Variants in GRAMD4 observed in about 807,000 individuals in gnomAD.
GRAMD4 encodes GRAM domain-containing protein 4.
In GRAMD4, 25 loss-of-function variants were observed where a neutral mutation model predicts 83.9. That is an observed-to-expected ratio of 0.30 (90% CI 0.22 to 0.42). The LOEUF is 0.42. Among genes scored for constraint, GRAMD4 ranks in the 10% least tolerant of loss-of-function variants. The pLI is 1.00. For missense variants in GRAMD4, 593 were observed against 788.7 expected (o/e 0.75, Z 2.97); for synonymous variants, 336 against 320.9 (o/e 1.05, Z -0.50).
At chr22:46,582,909 G>C (rs1908883977) in intron 1 of GRAMD4, among the ~76,000 whole-genome samples, 1 of 152,168 alleles carries the variant, frequency 6.6e-6, no homozygotes, top group African/African-American at 2.4e-5. Flanking sequence ...CTCCCTGCCT[G>C]TGGTGACCAC....
chr22:46,661,780 G>A (rs969107836), intron 5 of GRAMD4, among the ~76,000 whole-genome samples: 1 of 152,208 alleles, frequency 6.6e-6, no homozygotes, highest in East Asian at 1.9e-4. Context: ...TGAGAGCCAC[G>A]CTGGTCACTG....
chr22:46,662,787 C>G (rs57359468), intron 5 of GRAMD4, among the ~76,000 whole-genome samples: 1 of 152,178 alleles, frequency 6.6e-6, no homozygotes, highest in African/African-American at 2.4e-5. Flanking sequence ...AGACCCGGCA[C>G]TGAGGTCGTC....
chr22:46,592,088 A>G (rs149061040), intron 1 of GRAMD4, among the ~76,000 whole-genome samples: 495 of 152,100 alleles, frequency 3.3e-3, no homozygotes, highest in Non-Finnish European at 5.7e-3. Context: ...ATGTCACGGG[A>G]GTCGAGACCT....
chr22:46,596,917 C>T (rs893679762), intron 1 of GRAMD4, among the ~76,000 whole-genome samples: 2 of 152,146 alleles, frequency 1.3e-5, no homozygotes, highest in Non-Finnish European at 2.9e-5. Context: ...GTCACTGAGA[C>T]CTCCACTCCT....
rs577515622 is a variant in GRAMD4 at position 46,625,290 on chromosome 22, T to G, written c.-49-1461T>G. 3.3e-5 allele frequency among the ~76,000 whole-genome samples: 5 copies of G among 152,318 alleles called. No individual in the cohort carries two copies. In the South Asian group the frequency reaches 1.0e-3, roughly 32 times the overall value. On this transcript the variant is annotated intron_variant, in intron 1 of 18. Transcript: ENST00000406902. ...TCAGAGTGGGTTCTAGTGCGTTCTG[T>G]GTCTTCGGTCCTCACTGTTAATGAG... is the stretch of plus-strand genomic sequence containing the variant.
Position 46,652,874 on chromosome 22 carries a change from T to A in GRAMD4, c.284-5313T>A, listed in dbSNP as rs2542022. ...AAATTGATGATGGGGGATTTGCATC[T>A]CCTTTGTCCTGTGGAAAGATACAGC... On this transcript the variant is annotated intron_variant, in intron 3 of 18. Transcript: ENST00000406902. Among the ~76,000 whole-genome samples, 204 of 152,180 alleles carry A rather than the reference T, an allele frequency of 1.3e-3. 1 individual carries two copies. Among genetic ancestry groups the A allele is most frequent in the African/African-American group, 4.7e-3 (197 of 41,518 alleles).
At chr22:46,615,543 CTGTGTGTAGGTT>C (rs2081471095), upstream of GRAMD4, among the ~76,000 whole-genome samples, 1 of 140,824 alleles carries the variant, frequency 7.1e-6, no homozygotes, top group Non-Finnish European at 1.5e-5. Context: ...GTAGGTTCCC[CTGTGTGTAGGTT>C]CCCCTGTGCG....
intron 1 of GRAMD4, among the ~76,000 whole-genome samples, chr22:46,607,209 G>C (rs1166035103): frequency 6.6e-6 from 1 of 152,064 alleles, no homozygotes; most frequent in African/African-American, 2.4e-5. Context: ...TTAAAAAGGG[G>C]GGGGTCATAC....
chr22:46,602,423 G>A (rs2081320273), intron 1 of GRAMD4, among the ~76,000 whole-genome samples: 1 of 152,164 alleles, frequency 6.6e-6, no homozygotes, highest in Admixed American at 6.5e-5. Context: ...GATACCTGTA[G>A]CCCCAACGCT....
chr22:46,596,246 G>A (rs1038897021), intron 1 of GRAMD4, among the ~76,000 whole-genome samples: 5 of 152,312 alleles, frequency 3.3e-5, no homozygotes, highest in Admixed American at 6.5e-5. Context: ...TCGTGCCATC[G>A]GGGCTGGAGT....
chr22:46,671,733 G>A (rs562963002), intron 13 of GRAMD4, among the ~76,000 whole-genome samples: 2 of 151,008 alleles, frequency 1.3e-5, no homozygotes, highest in East Asian at 3.9e-4. Flanking sequence ...CCAGCTACTC[G>A]AGAGGCTGAG....
At position 46,637,908 on chromosome 22, in the gene GRAMD4, G is replaced by A. The variant is rs775366739; in HGVS notation, c.231G>A (p.Leu77=). 1 of 1,613,388 alleles carries A rather than the reference G, an allele frequency of 6.2e-7. No individual in the cohort carries two copies. The highest frequency in any genetic ancestry group is 1.1e-5 in the South Asian group (1 of 91,070). ...QDFNRTEFDR[L]NEIKGHLEIA... ...TTAACCGGACAGAGTTTGATCGACTGAATGAGATCAAAGGTCACCTGGAAA... is the reference window on the plus strand; with the variant it reads ...TTAACCGGACAGAGTTTGATCGACTAAATGAGATCAAAGGTCACCTGGAAA... The change falls in exon 3 of 19, where the codon CTG becomes CTA. Residue 77 remains leucine (L), a synonymous_variant. Coordinates refer to ENST00000406902, the MANE Select transcript of GRAMD4 (RefSeq NM_015124.5).
intron 15 of GRAMD4, among the ~76,000 whole-genome samples, chr22:46,674,063 G>T (rs567618381): frequency 6.6e-6 from 1 of 152,246 alleles, no homozygotes; most frequent in Non-Finnish European, 1.5e-5. Flanking sequence ...CTGACAGCAG[G>T]CGTGCAGGCA....
intron 3 of GRAMD4, among the ~76,000 whole-genome samples, chr22:46,652,369 GGAGCC>G (rs1234889429): frequency 6.6e-6 from 1 of 152,174 alleles, no homozygotes; most frequent in Non-Finnish European, 1.5e-5. Flanking sequence ...CCCCCTTCCC[GGAGCC>G]TGCAGAAGGA....
chr22:46,632,311 G>T (rs142773093), intron 2 of GRAMD4, among the ~76,000 whole-genome samples: 3 of 152,216 alleles, frequency 2.0e-5, no homozygotes, highest in African/African-American at 7.2e-5. Flanking sequence ...CTGGGGCAGC[G>T]TCTGGGGTGA....
intron 3 of GRAMD4, among the ~76,000 whole-genome samples, chr22:46,650,068 G>A (rs1174927409): frequency 6.6e-6 from 1 of 152,234 alleles, no homozygotes; most frequent in Non-Finnish European, 1.5e-5. Flanking sequence ...GGGCCTCCGG[G>A]GATGCGGGAC....
chr22:46,671,477 T>TA (rs1474898653), intron 13 of GRAMD4, among the ~76,000 whole-genome samples: 1 of 118,982 alleles, frequency 8.4e-6, no homozygotes, highest in Non-Finnish European at 1.8e-5. Flanking sequence ...CTGTCTCAAA[T>TA]AAAAAAATTA....
chr22:46,666,626 G>C (rs1001943188), intron 9 of GRAMD4, among the ~76,000 whole-genome samples, 199 bp from the exon 10 acceptor site: 1 of 152,208 alleles, frequency 6.6e-6, no homozygotes, highest in South Asian at 2.1e-4. Flanking sequence ...CCCCAGAGGA[G>C]GGGCTGGTGA....
chr22:46,578,467 G>T (rs1240320534), intron 1 of GRAMD4, among the ~76,000 whole-genome samples: 1 of 152,224 alleles, frequency 6.6e-6, no homozygotes, highest in African/African-American at 2.4e-5. Flanking sequence ...GCAGGTAAGA[G>T]GATCGAATGG....
Sources: allele counts gnomAD v4.1 joint callset (sites outside exome capture counted in the v4.1 genomes callset), GRCh38; gene constraint gnomAD v4.1.1; transcripts MANE v1.5; gene names NCBI Gene and HGNC (gene_info 2026-07-23, HGNC 2026-07-21).